The following COL4A2 variants were observed in gnomAD, a reference collection of about 807,000 sequenced individuals.
COL4A2 encodes the protein collagen type IV alpha 2 chain.
Under a neutral mutation model 200.2 loss-of-function variants are expected in COL4A2, and 99 were observed. The observed-to-expected ratio is 0.49, with a 90% CI of 0.42 to 0.58. The LOEUF is 0.58. Among genes scored for constraint, COL4A2 ranks in the 20% least tolerant of loss-of-function variants. The pLI, the probability that COL4A2 is intolerant of heterozygous loss-of-function variation, is 0.00. For missense variants in COL4A2, 1,950 were observed against 2,314.1 expected, an observed-to-expected ratio of 0.84 and a Z score of 3.23; for synonymous variants, 897 against 900.6, an observed-to-expected ratio of 1.00 and a Z score of 0.07.
intron 4 of COL4A2, among the ~76,000 whole-genome samples, chr13:110,364,447 G>C (rs1287941537): frequency 1.3e-5 from 2 of 152,152 alleles, no homozygotes; most frequent in Non-Finnish European, 2.9e-5. Context: ...TCATATGGGT[G>C]GGATGGCGAG....
chr13:110,424,118 C>T (rs1011491100), intron 4 of COL4A2, among the ~76,000 whole-genome samples: 3 of 152,076 alleles, frequency 2.0e-5, no homozygotes, highest in African/African-American at 7.2e-5. Context: ...GAGTGTTTTC[C>T]AAAGCACCTG....
At chr13:110,340,014 C>T (rs1594156490) in intron 3 of COL4A2, among the ~76,000 whole-genome samples, 7 of 152,346 alleles carry the variant, frequency 4.6e-5, no homozygotes, top group African/African-American at 1.7e-4. Flanking sequence ...GGCTTGAATC[C>T]TTGAGGGTGG....
intron 17 of COL4A2, among the ~76,000 whole-genome samples, chr13:110,446,373 G>C (rs1221610114): frequency 6.6e-6 from 1 of 152,166 alleles, no homozygotes; most frequent in Admixed American, 6.5e-5. Context: ...AGGTGAAGGT[G>C]GTGCGCGGGA....
intron 3 of COL4A2, among the ~76,000 whole-genome samples, chr13:110,334,456 C>T (rs375183950): frequency 6.6e-5 from 10 of 152,306 alleles, no homozygotes; most frequent in South Asian, 2.1e-4. Flanking sequence ...GACCCATGGC[C>T]GCATTCCAGA....
chr13:110,509,194 A>G (rs1438405960), intron 47 of COL4A2, among the ~76,000 whole-genome samples: 1 of 149,052 alleles, frequency 6.7e-6, no homozygotes, highest in African/African-American at 2.5e-5. Context: ...TATAACTGTC[A>G]TAACTCCAGC....
intron 22 of COL4A2, among the ~76,000 whole-genome samples, chr13:110,460,098 G>A (rs188153407): frequency 1.3e-5 from 2 of 152,272 alleles, no homozygotes; most frequent in Admixed American, 1.3e-4. Flanking sequence ...AATTTATAAA[G>A]CAAAAAGTTC....
At chr13:110,419,985 G>A (rs188147736) in intron 4 of COL4A2, among the ~76,000 whole-genome samples, 301 of 152,336 alleles carry the variant, frequency 2.0e-3, no homozygotes, top group Admixed American at 3.5e-3. Context: ...GGAATGCCAG[G>A]ATGGGGGTTA....
At chr13:110,488,240 G>A (rs1317364147) in intron 34 of COL4A2, among the ~76,000 whole-genome samples, 1 of 152,174 alleles carries the variant, frequency 6.6e-6, no homozygotes, top group Non-Finnish European at 1.5e-5. Context: ...GGCCAGGCTG[G>A]TCTTGAACTC....
intron 4 of COL4A2, among the ~76,000 whole-genome samples, chr13:110,358,242 GAAAC>G (rs758449864): frequency 3.3e-4 from 50 of 151,786 alleles, no homozygotes; most frequent in African/African-American, 7.3e-4. Context: ...TAAAAACAAA[GAAAC>G]AAACAGACAT....
chr13:110,346,425 T>A (rs940560889), intron 3 of COL4A2, among the ~76,000 whole-genome samples: 1 of 151,812 alleles, frequency 6.6e-6, no homozygotes, highest in Non-Finnish European at 1.5e-5. Flanking sequence ...ATGGCAGGAG[T>A]GATGGAACAG....
intron 4 of COL4A2, among the ~76,000 whole-genome samples, chr13:110,393,025 C>G (rs1879045554): frequency 6.6e-6 from 1 of 152,194 alleles, no homozygotes; most frequent in South Asian, 2.1e-4. Context: ...CAGCAAATAT[C>G]CACACGAACA....
intron 45 of COL4A2, among the ~76,000 whole-genome samples, chr13:110,504,679 C>A (rs1883780073): frequency 6.6e-6 from 1 of 152,170 alleles, no homozygotes; most frequent in South Asian, 2.1e-4. Flanking sequence ...AATCTCAGCT[C>A]ACTGCAGCTT....
chr13:110,458,708 C>G, intron 21 of COL4A2, 63 bp from the exon 22 acceptor site: 4 of 1,601,946 alleles, frequency 2.5e-6, no homozygotes, highest in Non-Finnish European at 3.4e-6. Context: ...TGCCTGATAC[C>G]CCTCTCCCCG....
At chr13:110,414,741 C>T (rs925661616) in intron 4 of COL4A2, among the ~76,000 whole-genome samples, 10 of 152,234 alleles carry the variant, frequency 6.6e-5, no homozygotes, top group Admixed American at 1.3e-4. Flanking sequence ...AAATGGCTAT[C>T]ACTGTCTATA....
chr13:110,336,240 G>T (rs756295302), intron 3 of COL4A2, among the ~76,000 whole-genome samples: 1 of 152,098 alleles, frequency 6.6e-6, no homozygotes, highest in Non-Finnish European at 1.5e-5. Context: ...TTGATAATTT[G>T]TCTGATTGTC....
chr13:110,503,722 C>T, intron 43 of COL4A2, 125 bp from the exon 44 acceptor site: 1 of 1,222,998 alleles, frequency 8.2e-7, no homozygotes, highest in Non-Finnish European at 1.2e-6. Flanking sequence ...TGGCTCATCT[C>T]TAGAAAGCAC....
rs116146296 is a variant in COL4A2, at chr13:110,510,681, A to G, written c.4882-1253A>G. Among the ~76,000 whole-genome samples the G allele has an allele frequency of 8.7e-3, 1,318 of 152,220 alleles. 21 individuals carry two copies. Among genetic ancestry groups the G allele is most frequent in the Middle Eastern group, 0.034 (10 of 294 alleles). ...GCATGAGTGTACACCATGTGTGTGC[A>G]TGTGTGCATGTATGCATGTGTGTGT... On this transcript the variant is annotated intron_variant, in intron 47 of 47. Transcript: ENST00000360467.
At chr13:110,345,275 C>T (rs962143455) in intron 3 of COL4A2, among the ~76,000 whole-genome samples, 39 of 152,164 alleles carry the variant, frequency 2.6e-4, no homozygotes, top group African/African-American at 9.2e-4. Context: ...TGTTCATACT[C>T]AATGCATTGA....
At chr13:110,357,375 T>C in intron 3 of COL4A2, 97 bp from the exon 4 acceptor site, 3 of 1,482,526 alleles carry the variant, frequency 2.0e-6, no homozygotes, top group Non-Finnish European at 2.7e-6. Flanking sequence ...GAATCGTTTC[T>C]AGAGTTGGAA....
Sources: allele counts gnomAD v4.1 joint callset (sites outside exome capture counted in the v4.1 genomes callset), GRCh38; gene constraint gnomAD v4.1.1; transcripts MANE v1.5; gene names NCBI Gene and HGNC (gene_info 2026-07-23, HGNC 2026-07-21).